DAB1: variants seen among roughly 807,000 people sequenced by gnomAD.
DAB1 encodes the protein DAB adaptor protein 1, also known as disabled homolog 1.
A neutral mutation model predicts 64.6 loss-of-function variants in DAB1; 15 were observed. That is an observed-to-expected ratio of 0.23 (90% CI 0.16 to 0.36). DAB1 has a LOEUF of 0.36. DAB1 is among the 10% of genes least tolerant of loss of function. DAB1 has a pLI of 1.00. For synonymous variants in DAB1, 235 were observed against 251.9 expected (o/e 0.93, Z 0.64); for missense variants, 596 against 706.7 (o/e 0.84, Z 1.78).
At chr1:58,397,853 T>C (rs980632978) in intron 3 of DAB1, among the ~76,000 whole-genome samples, 3 of 152,218 alleles carry the variant, frequency 2.0e-5, no homozygotes, top group African/African-American at 4.8e-5. Flanking sequence ...CTGGGGATAA[T>C]AGTACCTACC....
intron 5 of DAB1, among the ~76,000 whole-genome samples, chr1:58,096,780 T>C (rs969364169): frequency 6.6e-6 from 1 of 152,238 alleles, no homozygotes; most frequent in Non-Finnish European, 1.5e-5. Context: ...AGGGCTGCCA[T>C]GGACCATACA....
intron 2 of DAB1, among the ~76,000 whole-genome samples, chr1:57,206,839 T>C (rs988782952): frequency 2.0e-5 from 3 of 152,086 alleles, no homozygotes; most frequent in African/African-American, 7.2e-5. Context: ...CCCTTTTTCA[T>C]CTCATGTGTA....
chr1:57,672,267 T>C (rs1254673371), intron 6 of DAB1, among the ~76,000 whole-genome samples: 2 of 152,200 alleles, frequency 1.3e-5, no homozygotes, highest in Non-Finnish European at 2.9e-5. Context: ...ATTAGGTTAT[T>C]ATCATCCCCT....
intron 1 of DAB1, among the ~76,000 whole-genome samples, chr1:57,834,093 A>G (rs1652705330): frequency 6.6e-6 from 1 of 152,226 alleles, no homozygotes; most frequent in Non-Finnish European, 1.5e-5. Context: ...GCATTAGAAT[A>G]TAAAATGTGG....
chr1:57,456,181 T>C lies in DAB1; in HGVS notation n.626-165015A>G, dbSNP rs144948815. The stretch of plus-strand genomic sequence containing the variant: ...CTCTTATGCACAGCAGTATTTCAAA[T>C]AGTAAAAGTTCAGTGCTCAGGTATT... On this transcript the variant is annotated intron_variant and non_coding_transcript_variant, in intron 7 of 20. Transcript: ENST00000485760. Among the ~76,000 whole-genome samples, 30 of 152,318 alleles carry C rather than the reference T, an allele frequency of 2.0e-4. 1 individual carries two copies. Among genetic ancestry groups the C allele is most frequent in the African/African-American group, 7.2e-4 (30 of 41,574 alleles).
rs548528076 is a variant in DAB1, at chr1:57,977,705, G to A, written n.388-93543C>T. Among the ~76,000 whole-genome samples the A allele has an allele frequency of 0.01, 55 of 5,394 alleles. No individual in the cohort carries two copies. In the South Asian group the frequency reaches 0.47, roughly 46 times the overall value. The allele number at this position is 5,394 out of a possible 152,430, so 3.5% of individuals were successfully genotyped here. Reference sequence around the variant, plus strand: ...CTCACCATACAATGCCTTTGCTGACGACATCCCCCGGACCCACCACAAGAA... The same window carrying A: ...CTCACCATACAATGCCTTTGCTGACAACATCCCCCGGACCCACCACAAGAA... On this transcript the variant is annotated intron_variant and non_coding_transcript_variant, in intron 5 of 20. Coordinates refer to the DAB1 transcript ENST00000485760.
chr1:57,153,597 G>C (rs1659903604), intron 2 of DAB1, among the ~76,000 whole-genome samples: 1 of 150,496 alleles, frequency 6.6e-6, no homozygotes, highest in Non-Finnish European at 1.5e-5. Context: ...TAATTTTTCT[G>C]GTTACATAGT....
chr1:57,315,445 A>G (rs978426389), intron 1 of DAB1, among the ~76,000 whole-genome samples: 1 of 152,188 alleles, frequency 6.6e-6, no homozygotes, highest in Admixed American at 6.5e-5. Flanking sequence ...GTGGATAGTT[A>G]GGTGGGTACG....
chr1:57,210,835 G>C (rs1299853796), intron 2 of DAB1, among the ~76,000 whole-genome samples: 1 of 152,156 alleles, frequency 6.6e-6, no homozygotes, highest in Non-Finnish European at 1.5e-5. Flanking sequence ...AGATGAAATA[G>C]TTTTCACTGC....
At chr1:57,655,349 C>T (rs925616446) in intron 6 of DAB1, among the ~76,000 whole-genome samples, 1 of 152,074 alleles carries the variant, frequency 6.6e-6, no homozygotes, top group African/African-American at 2.4e-5. Flanking sequence ...CATCATCAAT[C>T]ATCCATCCAT....
At chr1:58,169,698 C>G (rs974347073) in intron 4 of DAB1, among the ~76,000 whole-genome samples, 1 of 152,170 alleles carries the variant, frequency 6.6e-6, no homozygotes, top group Non-Finnish European at 1.5e-5. Context: ...GACCTCTCAG[C>G]TTACCCCCAT....
At chr1:57,941,293 T>C (rs1645100434) in intron 5 of DAB1, among the ~76,000 whole-genome samples, 1 of 152,230 alleles carries the variant, frequency 6.6e-6, no homozygotes, top group Admixed American at 6.5e-5. Flanking sequence ...TCATTTTATC[T>C]GCACAGTAGC....
chr1:57,507,318 T>C (rs1644355697), intron 7 of DAB1, among the ~76,000 whole-genome samples: 1 of 152,208 alleles, frequency 6.6e-6, no homozygotes, highest in South Asian at 2.1e-4. Flanking sequence ...GATAGTTGTA[T>C]TCACTCCTCT....
At chr1:58,454,645 T>G (rs532268437) in intron 3 of DAB1, among the ~76,000 whole-genome samples, 118 of 152,138 alleles carry the variant, frequency 7.8e-4, no homozygotes, top group African/African-American at 2.4e-3. Flanking sequence ...CTCCTCCTGC[T>G]CCCCACCACC....
intron 2 of DAB1, among the ~76,000 whole-genome samples, chr1:57,198,174 G>A (rs1397583516): frequency 6.6e-6 from 1 of 152,140 alleles, no homozygotes; most frequent in Admixed American, 6.5e-5. Flanking sequence ...ACTTCTAGCA[G>A]GCTTGGGTTT....
chr1:57,533,475 G>A (rs934991691), intron 7 of DAB1, among the ~76,000 whole-genome samples: 1 of 150,748 alleles, frequency 6.6e-6, no homozygotes, highest in African/African-American at 2.4e-5. Context: ...AAAACAAAGT[G>A]AGGTCACTGA....
intron 7 of DAB1, among the ~76,000 whole-genome samples, chr1:57,443,654 G>A (rs139803809): frequency 5.9e-5 from 9 of 152,210 alleles, no homozygotes; most frequent in African/African-American, 2.2e-4. Context: ...TTAAATGCCT[G>A]GCCTCCAACA....
At chr1:57,222,959 C>T (rs562594070) in intron 2 of DAB1, among the ~76,000 whole-genome samples, 18 of 152,268 alleles carry the variant, frequency 1.2e-4, no homozygotes, top group South Asian at 4.1e-4. Flanking sequence ...AACAGCTGCA[C>T]CACATCACAC....
chr1:58,139,825 A>G (rs1654175067), intron 5 of DAB1, among the ~76,000 whole-genome samples: 1 of 152,216 alleles, frequency 6.6e-6, no homozygotes, highest in Admixed American at 6.5e-5. Context: ...AAAATGGTGT[A>G]ACACTTTCAT....
Sources: gnomAD v4.1 joint callset for allele counts (sites outside exome capture counted in the v4.1 genomes callset) on GRCh38, gnomAD v4.1.1 for gene constraint, MANE v1.5 for transcripts, NCBI Gene and HGNC (gene_info 2026-07-23, HGNC 2026-07-21) for gene names.